Variants in AKAP13 observed in about 807,000 individuals in gnomAD.
AKAP13 encodes the protein A-kinase anchoring protein 13.
A neutral mutation model predicts 264.5 loss-of-function variants in AKAP13; 80 were observed. The observed-to-expected ratio is 0.30, with a 90% CI of 0.25 to 0.36. The LOEUF is 0.36. Ranked by LOEUF, AKAP13 falls within the 10% of genes least tolerant of loss-of-function variation. The pLI, the probability that AKAP13 is intolerant of heterozygous loss-of-function variation, is 1.00. For synonymous variants in AKAP13, 1,380 were observed against 1,250.2 expected, an observed-to-expected ratio of 1.10 and a Z score of -2.19; for missense variants, 3,712 against 3,435.2, an observed-to-expected ratio of 1.08 and a Z score of -2.01.
chr15:85,493,337 T>C (rs1231526374), intron 2 of AKAP13, among the ~76,000 whole-genome samples: 1 of 152,176 alleles, frequency 6.6e-6, no homozygotes, highest in Admixed American at 6.5e-5. Flanking sequence ...CAGAGCTACT[T>C]TTCTTAAAAT....
At chr15:85,736,242 TA>T in intron 33 of AKAP13, 108 bp downstream of exon 33, 2 of 878,188 alleles carry the variant, frequency 2.3e-6, no homozygotes, top group Non-Finnish European at 3.6e-6. Flanking sequence ...ACAAAGAGGC[TA>T]ACTGCTGGCT....
intron 1 of AKAP13, among the ~76,000 whole-genome samples, chr15:85,415,009 G>C (rs1365801829): frequency 6.6e-6 from 1 of 152,132 alleles, no homozygotes; most frequent in Non-Finnish European, 1.5e-5. Context: ...CAACTGTTTT[G>C]GTTGGGTTTT....
chr15:85,659,435 C>T (rs2083240787), intron 12 of AKAP13, among the ~76,000 whole-genome samples: 1 of 152,154 alleles, frequency 6.6e-6, no homozygotes, highest in Non-Finnish European at 1.5e-5. Context: ...TTGTCTTTTT[C>T]AAGTGGATGC....
In AKAP13 at chr15:85,716,004, T is replaced by G. The variant is rs369504252; in HGVS notation, c.5735+81T>G. The G allele has an allele frequency of 1.0e-5, 14 of 1,333,806 alleles. No individual in the cohort carries two copies. In the Admixed American group the frequency reaches 1.4e-4, roughly 14 times the overall value. 82.6% of individuals were successfully genotyped at this position (1,333,806 alleles called of 1,614,324 possible). On this transcript the variant is annotated intron_variant, in intron 20 of 36. Transcript: ENST00000394518. ...TAATCACATCATATGACAAAAAGCT[T>G]TTTTTTTTTTTTAAGAAATAAATCT...
intron 5 of AKAP13, among the ~76,000 whole-genome samples, chr15:85,557,468 G>A (rs1397411314): frequency 6.6e-6 from 1 of 152,014 alleles, no homozygotes; most frequent in Non-Finnish European, 1.5e-5. Context: ...GTTTTTGTTA[G>A]GTGTGGTTTT....
rs773396099 is a variant in AKAP13 at position 85,629,764 on chromosome 15, C to CTTTTTTTTTTTTTTTT, written c.4162-9592_4162-9577dup. Among the ~76,000 whole-genome samples the CTTTTTTTTTTTTTTTT allele has an allele frequency of 3.4e-4, 17 of 50,526 alleles. 4 individuals are homozygous for CTTTTTTTTTTTTTTTT. The highest frequency in any genetic ancestry group is 0.031 in the Middle Eastern group (1 of 32). The allele number at this position is 50,526 out of a possible 152,430, so 33.1% of individuals were successfully genotyped here. A position where few individuals can be genotyped will look rare whatever the true frequency, so the allele number is the denominator to read the frequency against. Reference sequence around the variant, plus strand: ...GAAATATAATGAGTTCCTTTACAGCCTTTTTTTTTTTTTTTTTTTTTTTTT... The same window carrying CTTTTTTTTTTTTTTTT: ...GAAATATAATGAGTTCCTTTACAGCCTTTTTTTTTTTTTTTTTTTTTTTTTTTTTTTTTTTTTTTTT... On this transcript the variant is annotated intron_variant, in intron 8 of 36. Coordinates refer to ENST00000394518, the MANE Select transcript of AKAP13 (RefSeq NM_007200.5).
chr15:85,643,280 C>A (rs369567), intron 9 of AKAP13, among the ~76,000 whole-genome samples: 5 of 151,774 alleles, frequency 3.3e-5, no homozygotes, highest in African/African-American at 9.7e-5. Flanking sequence ...TGCTTCCCCC[C>A]CAACACTAAA....
chr15:85,697,211 T>C (rs1002499374), intron 17 of AKAP13, among the ~76,000 whole-genome samples: 1 of 152,106 alleles, frequency 6.6e-6, no homozygotes, highest in Admixed American at 6.6e-5. Context: ...GATACATAGA[T>C]GCCACATAAG....
chr15:85,629,188 C>G (rs1424676979), intron 8 of AKAP13, among the ~76,000 whole-genome samples: 1 of 151,576 alleles, frequency 6.6e-6, no homozygotes, highest in East Asian at 1.9e-4. Context: ...ACAGCTTCTT[C>G]TTCTGAAAAG....
At position 85,575,258 on chromosome 15, in the gene AKAP13, G is replaced by C. The variant is rs748632273; in HGVS notation, c.790G>C (p.Glu264Gln). The C allele has an allele frequency of 6.2e-7, 1 of 1,613,948 alleles. No homozygotes were observed. Among genetic ancestry groups the C allele is most frequent in the African/African-American group, 1.3e-5 (1 of 74,892 alleles). ...AACCTCTGAGTCTGATTCACATCAT[G>C]AACACCCATTTCCTGGAGACGGTTG... ...TLTSESDSHH[E>Q]HPFPGDGCTG... Residue 264 changes from glutamate (E) to glutamine (Q), a missense_variant, in exon 6 of 37, where the codon GAA (glutamate) becomes CAA (glutamine). Coordinates refer to ENST00000394518, the MANE Select transcript of AKAP13 (RefSeq NM_007200.5).
At position 85,745,398 on chromosome 15, in the gene AKAP13, T is replaced by TGTTTC. The variant is rs2089340367; in HGVS notation, c.*722_*726dup. The TGTTTC allele has an allele frequency of 6.6e-6, 1 of 152,226 alleles. No individual in the cohort carries two copies. The allele number at this position is 152,226 out of a possible 1,614,324, so 9.4% of individuals were successfully genotyped here. On this transcript the variant is annotated 3_prime_UTR_variant, in exon 37 of 37. Transcript: ENST00000394518. ...GTGATGTGCACCACCTCGATCTCGG[T>TGTTTC]GTTTCAGGCACTAAAGCAACAAAAC...
At chr15:85,650,803 CA>C (rs1359978089) in intron 10 of AKAP13, among the ~76,000 whole-genome samples, 1 of 101,670 alleles carries the variant, frequency 9.8e-6, no homozygotes, top group African/African-American at 3.1e-5. Context: ...ACAAAAACTG[CA>C]ATTGCCTGTG....
chr15:85,689,178 A>G (rs1237251369), intron 16 of AKAP13, among the ~76,000 whole-genome samples: 1 of 152,224 alleles, frequency 6.6e-6, no homozygotes, highest in African/African-American at 2.4e-5. Context: ...GCACAGCTGC[A>G]AGTATACTAC....
At chr15:85,715,548 C>A (rs1028912639) in intron 19 of AKAP13, among the ~76,000 whole-genome samples, 1 of 151,906 alleles carries the variant, frequency 6.6e-6, no homozygotes, top group African/African-American at 2.4e-5. Context: ...AGTTCCAGGG[C>A]AAATCCACTG....
In AKAP13 at chr15:85,386,920, T is replaced by C. The variant is rs112739006; in HGVS notation, c.-12+6122T>C. 2.1e-3 allele frequency among the ~76,000 whole-genome samples: 323 copies of C among 152,360 alleles called. 1 individual carries two copies. The highest frequency in any genetic ancestry group is 3.5e-3 in the Non-Finnish European group (235 of 68,034). Reference sequence around the variant, plus strand: ...AAATCAGGTAGTGTGAGTTATCTTATTATTTTTCAGAATTGTTTTTTGGGT... The same window carrying C: ...AAATCAGGTAGTGTGAGTTATCTTACTATTTTTCAGAATTGTTTTTTGGGT... On this transcript the variant is annotated intron_variant, in intron 1 of 36. Coordinates refer to ENST00000394518, the MANE Select transcript of AKAP13 (RefSeq NM_007200.5).
Position 85,743,595 on chromosome 15 carries a change from T to C in AKAP13, c.8162T>C (p.Leu2721Ser). 6.2e-7 allele frequency: 1 copy of C among 1,614,150 alleles called. No individual in the cohort carries two copies. Among genetic ancestry groups the C allele is most frequent in the Non-Finnish European group, 8.5e-7 (1 of 1,180,034 alleles). The stretch of plus-strand genomic sequence containing the variant: ...CCTTCCATAGCCAAATCAGGGTCAT[T>C]GGACTCAGAACTTTCAGTGTCCCCA... ...SAPSIAKSGS[L>S]DSELSVSPKR... The change falls in exon 36 of 37, where the codon TTG becomes TCG. Residue 2721 changes from leucine to serine, a missense_variant. Around this residue, in one of 3 missense-constraint regions of AKAP13, gnomAD observed 611 missense variants for 539.3 expected, o/e 1.13. Transcript: ENST00000394518.
intron 8 of AKAP13, among the ~76,000 whole-genome samples, chr15:85,618,372 A>T (rs1296923165): frequency 6.6e-6 from 1 of 152,268 alleles, no homozygotes; most frequent in East Asian, 1.9e-4. Flanking sequence ...GTGGTATTTG[A>T]GCCACTGCTT....
At chr15:85,592,752 A>G (rs968315037) in intron 8 of AKAP13, among the ~76,000 whole-genome samples, 2 of 152,202 alleles carry the variant, frequency 1.3e-5, no homozygotes, top group Admixed American at 6.5e-5. Context: ...GGAAATTATC[A>G]GCGGCTCCTA....
chr15:85,487,994 C>T (rs924697069), intron 2 of AKAP13, among the ~76,000 whole-genome samples: 1 of 152,078 alleles, frequency 6.6e-6, no homozygotes, highest in African/African-American at 2.4e-5. Flanking sequence ...ATCTCCCAGG[C>T]TCAAATGCTC....
Sources: gnomAD v4.1 joint callset for allele counts (sites outside exome capture counted in the v4.1 genomes callset) on GRCh38, gnomAD v4.1.1 for gene constraint, gnomAD v4.1.1 regional missense constraint, MANE v1.5 for transcripts, NCBI Gene and HGNC (gene_info 2026-07-23, HGNC 2026-07-21) for gene names.